Variants in EGFLAM observed in about 807,000 individuals in gnomAD.
EGFLAM encodes the protein pikachurin.
In EGFLAM, 79 loss-of-function variants were observed where a neutral mutation model predicts 113.1. The observed-to-expected ratio is 0.70, with a 90% CI of 0.58 to 0.84. The LOEUF (loss-of-function observed/expected upper bound fraction) is 0.84, where lower values mean the gene tolerates loss of function less well. Among genes scored for constraint, EGFLAM ranks in the 40% least tolerant of loss-of-function variants. The pLI is 0.00. For missense variants in EGFLAM, 1,265 were observed against 1,291.6 expected (o/e 0.98, Z 0.32); for synonymous variants, 504 against 487.6 (o/e 1.03, Z -0.44).
chr5:38,395,339 G>A (rs1389640701), intron 6 of EGFLAM, among the ~76,000 whole-genome samples: 1 of 150,862 alleles, frequency 6.6e-6, no homozygotes, highest in Non-Finnish European at 1.5e-5. Context: ...GAACTCCTGA[G>A]CTAATGGGAT....
At chr5:38,366,443 C>G (rs565248779) in intron 5 of EGFLAM, among the ~76,000 whole-genome samples, 3 of 152,306 alleles carry the variant, frequency 2.0e-5, no homozygotes, top group South Asian at 4.1e-4. Flanking sequence ...TTCCGTGGAG[C>G]CTCCTGGAAT....
At position 38,427,189 on chromosome 5, in the gene EGFLAM, T is replaced by C; in HGVS notation, c.1991T>C (p.Ile664Thr). Residue 664 changes from isoleucine to threonine, a missense_variant, in exon 14 of 22, where the codon ATC becomes ACC. Ile to Thr is a moderately conservative substitution (Grantham distance 89, BLOSUM62 -1). Coordinates refer to ENST00000322350, the MANE Select transcript of EGFLAM (RefSeq NM_152403.4). ...ACAGGCAGCAAAGACTTCCTGTCCA[T>C]CAACTTGGCAGGGGGCCACGTGGAG... ...YDTGSKDFLSINLAGGHVEFR... is the reference protein window; with the variant it reads ...YDTGSKDFLSTNLAGGHVEFR... 6.2e-7 allele frequency: 1 copy of C among 1,614,166 alleles called. No individual in the cohort carries two copies. The highest frequency in any genetic ancestry group is 8.5e-7 in the Non-Finnish European group (1 of 1,180,028).
At chr5:38,435,564 C>T (rs1221954147) in intron 16 of EGFLAM, among the ~76,000 whole-genome samples, 2 of 152,134 alleles carry the variant, frequency 1.3e-5, no homozygotes, top group South Asian at 2.1e-4. Flanking sequence ...TCTGCAGATA[C>T]TTCCACAGTA....
At chr5:38,419,599 TTTTTG>T (rs1322662070) in intron 12 of EGFLAM, among the ~76,000 whole-genome samples, 1 of 152,204 alleles carries the variant, frequency 6.6e-6, no homozygotes, top group Non-Finnish European at 1.5e-5. Flanking sequence ...CTAGAACAGT[TTTTTG>T]TTTTGTTTGT....
chr5:38,318,369 C>A (rs1738655181), intron 1 of EGFLAM, among the ~76,000 whole-genome samples: 2 of 150,452 alleles, frequency 1.3e-5, no homozygotes, highest in Admixed American at 1.3e-4. Flanking sequence ...ACTATACTAA[C>A]TATATAGTGT....
chr5:38,298,399 G>T (rs2589779), intron 1 of EGFLAM, among the ~76,000 whole-genome samples: 1 of 151,908 alleles, frequency 6.6e-6, no homozygotes. Flanking sequence ...TCTCCCTAGG[G>T]GCATGGTGCT....
At chr5:38,363,770 G>A (rs938120311) in intron 5 of EGFLAM, among the ~76,000 whole-genome samples, 5 of 152,078 alleles carry the variant, frequency 3.3e-5, no homozygotes, top group Non-Finnish European at 4.4e-5. Flanking sequence ...GGCTTCATTG[G>A]ACTGTCAAAG....
intron 16 of EGFLAM, among the ~76,000 whole-genome samples, chr5:38,435,639 C>T (rs1742319237): frequency 6.6e-6 from 1 of 152,034 alleles, no homozygotes; most frequent in Non-Finnish European, 1.5e-5. Context: ...CGGTACTTTG[C>T]AGTTTGCTCA....
intron 1 of EGFLAM, among the ~76,000 whole-genome samples, chr5:38,259,922 G>C (rs528004200): frequency 1.3e-5 from 2 of 152,158 alleles, no homozygotes; most frequent in South Asian, 4.1e-4. Flanking sequence ...AAATATTTTC[G>C]CATTGAAACT....
chr5:38,440,919 G>A (rs1742512725), intron 17 of EGFLAM, among the ~76,000 whole-genome samples: 1 of 152,198 alleles, frequency 6.6e-6, no homozygotes, highest in Admixed American at 6.5e-5. Context: ...TGGCAAGTGA[G>A]TTCCACAAGG....
intron 9 of EGFLAM, among the ~76,000 whole-genome samples, chr5:38,408,232 C>G (rs768849592): frequency 3.9e-5 from 6 of 152,220 alleles, no homozygotes; most frequent in Non-Finnish European, 5.9e-5. Flanking sequence ...TGAGAAGAAA[C>G]AATGCATTCC....
chr5:38,266,762 G>T (rs10061492), intron 1 of EGFLAM, among the ~76,000 whole-genome samples: 23 of 152,100 alleles, frequency 1.5e-4, no homozygotes, highest in African/African-American at 5.5e-4. Context: ...TGCAGGATGT[G>T]GTAGGGCAGC....
intron 17 of EGFLAM, among the ~76,000 whole-genome samples, chr5:38,439,267 T>C (rs1742456176): frequency 6.6e-6 from 1 of 152,118 alleles, no homozygotes; most frequent in South Asian, 2.1e-4. Context: ...TTGCTTTCTG[T>C]ACCTGCTTAT....
chr5:38,390,866 A>G (rs985865860), intron 6 of EGFLAM, among the ~76,000 whole-genome samples: 1 of 151,972 alleles, frequency 6.6e-6, no homozygotes, highest in African/African-American at 2.4e-5. Flanking sequence ...AATTTTATAT[A>G]TGTAGTAAAT....
chr5:38,348,516 A>T (rs376849831), intron 3 of EGFLAM, among the ~76,000 whole-genome samples: 11 of 152,328 alleles, frequency 7.2e-5, no homozygotes, highest in Middle Eastern at 3.4e-3. Flanking sequence ...TGGTATTGAA[A>T]GCTGCAGAGA....
At chr5:38,407,690 A>G in intron 8 of EGFLAM, 115 bp from the exon 9 acceptor site, 2 of 684,750 alleles carry the variant, frequency 2.9e-6, no homozygotes, top group South Asian at 3.8e-5. Context: ...AGCGAAGTTG[A>G]ATAGATTAGT....
chr5:38,357,487 G>A (rs1739793861), intron 5 of EGFLAM, among the ~76,000 whole-genome samples: 1 of 152,180 alleles, frequency 6.6e-6, no homozygotes, highest in African/African-American at 2.4e-5. Context: ...GGAGGGGGTT[G>A]TCTGCAGTTA....
chr5:38,401,441 T>A (rs888375997), intron 6 of EGFLAM, among the ~76,000 whole-genome samples: 5 of 152,238 alleles, frequency 3.3e-5, no homozygotes. Context: ...TTAAGTCAAT[T>A]CTTTTCTGTG....
At chr5:38,339,623 C>G (rs973061085) in intron 3 of EGFLAM, among the ~76,000 whole-genome samples, 1 of 152,216 alleles carries the variant, frequency 6.6e-6, no homozygotes, top group Non-Finnish European at 1.5e-5. Context: ...ATCTTCACAA[C>G]TATCCTATGA....
Sources: allele counts gnomAD v4.1 joint callset (sites outside exome capture counted in the v4.1 genomes callset), GRCh38; gene constraint gnomAD v4.1.1; transcripts MANE v1.5; gene names NCBI Gene and HGNC (gene_info 2026-07-23, HGNC 2026-07-21).